The following SESTD1 variants were observed in gnomAD, a reference collection of about 807,000 sequenced individuals.
The protein encoded by SESTD1 is SEC14 domain and spectrin repeat-containing protein 1.
SESTD1 carries 43 observed loss-of-function variants against 101.7 expected under a neutral mutation model. That is an observed-to-expected ratio of 0.42 (90% CI 0.33 to 0.55). The LOEUF is 0.55. Among genes scored for constraint, SESTD1 ranks in the 20% least tolerant of loss-of-function variants. The pLI, the probability that SESTD1 is intolerant of heterozygous loss-of-function variation, is 0.07. For missense variants in SESTD1, 647 were observed against 815.1 expected (o/e 0.79, Z 2.51); for synonymous variants, 283 against 286.8 (o/e 0.99, Z 0.13).
At chr2:179,211,848 G>T in intron 1 of SESTD1, among the ~76,000 whole-genome samples, 1 of 130,504 alleles carries the variant, frequency 7.7e-6, no homozygotes, top group Non-Finnish European at 1.6e-5. Context: ...GGACTCTGGG[G>T]ACTCAGGGGG....
intron 1 of SESTD1, among the ~76,000 whole-genome samples, chr2:179,229,802 C>G (rs2046955153): frequency 7.1e-6 from 1 of 140,848 alleles, no homozygotes; most frequent in African/African-American, 2.6e-5. Flanking sequence ...CACACACACA[C>G]ACACACACAC....
At position 179,151,347 on chromosome 2, in the gene SESTD1, T is replaced by A. The variant is rs373063753; in HGVS notation, c.414A>T (p.Pro138=). 1 of 1,607,788 alleles carries A rather than the reference T, an allele frequency of 6.2e-7. No individual in the cohort carries two copies. The highest frequency in any genetic ancestry group is 1.3e-5 in the African/African-American group (1 of 74,840). ...SANKLTRYIE[P]CQLTEDFGGS... is the part of the protein sequence containing the mutation. ...CACCAAAATCTTCTGTTAATTGGCA[T>A]GGTTCTATATAACGAGTCAATTTGT... is the stretch of plus-strand genomic sequence containing the variant. Residue 138 remains proline (P), a synonymous_variant, in exon 6 of 18, where the codon CCA becomes CCT. Transcript: ENST00000428443.
At chr2:179,127,795 T>C (rs745972969) in intron 10 of SESTD1, among the ~76,000 whole-genome samples, 1 of 152,216 alleles carries the variant, frequency 6.6e-6, no homozygotes, top group Non-Finnish European at 1.5e-5. Context: ...ATAACAAGCA[T>C]AGAATATTTT....
intron 1 of SESTD1, among the ~76,000 whole-genome samples, chr2:179,217,955 G>C (rs1406285198): frequency 2.7e-5 from 4 of 148,756 alleles, no homozygotes; most frequent in African/African-American, 9.9e-5. Context: ...ACAGGGCGGG[G>C]AACGTCACAC....
chr2:179,139,168 G>A (rs1195888406), intron 9 of SESTD1, among the ~76,000 whole-genome samples: 1 of 152,106 alleles, frequency 6.6e-6, no homozygotes, highest in Non-Finnish European at 1.5e-5. Context: ...TAGGTTGACA[G>A]TGATAATTTC....
chr2:179,156,933 T>G (rs1190360813), intron 5 of SESTD1, among the ~76,000 whole-genome samples: 1 of 152,190 alleles, frequency 6.6e-6, no homozygotes, highest in Non-Finnish European at 1.5e-5. Flanking sequence ...AATGTTATCT[T>G]TTAGAATTTT....
intron 5 of SESTD1, among the ~76,000 whole-genome samples, chr2:179,156,511 C>A (rs2045635355): frequency 6.6e-6 from 1 of 152,082 alleles, no homozygotes; most frequent in Admixed American, 6.6e-5. Context: ...TTGATTATAG[C>A]CATTCTTGCA....
chr2:179,220,990 T>G (rs1385728024), intron 1 of SESTD1, among the ~76,000 whole-genome samples: 2 of 152,188 alleles, frequency 1.3e-5, no homozygotes, highest in Non-Finnish European at 2.9e-5. Context: ...GCATAACAAA[T>G]TAATTTTTAG....
At chr2:179,242,047 T>C (rs2105547780) in intron 1 of SESTD1, among the ~76,000 whole-genome samples, 1 of 152,266 alleles carries the variant, frequency 6.6e-6, no homozygotes, top group East Asian at 1.9e-4. Context: ...CATTATAATA[T>C]GATTGTATAC....
At chr2:179,120,443 A>T (rs1162200359) in intron 13 of SESTD1, among the ~76,000 whole-genome samples, 1 of 152,196 alleles carries the variant, frequency 6.6e-6, no homozygotes. Context: ...GAGAATGTCC[A>T]GGGAGAATAT....
At chr2:179,256,728 C>G (rs2047399041) in intron 1 of SESTD1, among the ~76,000 whole-genome samples, 1 of 149,466 alleles carries the variant, frequency 6.7e-6, no homozygotes, top group Non-Finnish European at 1.5e-5. Flanking sequence ...AGGAGAATCA[C>G]TTGAACCCGG....
intron 10 of SESTD1, among the ~76,000 whole-genome samples, chr2:179,127,142 G>A (rs2044891811): frequency 6.6e-6 from 1 of 152,064 alleles, no homozygotes; most frequent in African/African-American, 2.4e-5. Flanking sequence ...TTTATTTTCT[G>A]TGACTCTCCT....
chr2:179,151,436 T>C, intron 5 of SESTD1, 45 bp from the exon 6 acceptor site: 2 of 1,421,438 alleles, frequency 1.4e-6, no homozygotes, highest in East Asian at 2.4e-5. Context: ...AACCCACTAT[T>C]AAAATCCACG....
intron 9 of SESTD1, among the ~76,000 whole-genome samples, chr2:179,139,314 C>T (rs1383819288): frequency 6.6e-6 from 1 of 152,146 alleles, no homozygotes; most frequent in Non-Finnish European, 1.5e-5. Context: ...AAAGACACAT[C>T]ACACAGTGAC....
chr2:179,231,283 G>T (rs2046983776), intron 1 of SESTD1, among the ~76,000 whole-genome samples: 1 of 152,026 alleles, frequency 6.6e-6, no homozygotes, highest in Admixed American at 6.6e-5. Flanking sequence ...TGCAGTTAAG[G>T]ATTGAGGATG....
chr2:179,247,866 A>C (rs2047256913), intron 1 of SESTD1, among the ~76,000 whole-genome samples: 1 of 152,156 alleles, frequency 6.6e-6, no homozygotes, highest in Non-Finnish European at 1.5e-5. Context: ...GTCTCAAGGA[A>C]AATAAAAAAA....
At chr2:179,260,144 G>C (rs1218216413) in intron 1 of SESTD1, among the ~76,000 whole-genome samples, 1 of 151,734 alleles carries the variant, frequency 6.6e-6, no homozygotes, top group South Asian at 2.1e-4. Context: ...TTTCATTTTT[G>C]TTAGATGCAA....
intron 10 of SESTD1, among the ~76,000 whole-genome samples, chr2:179,125,597 G>C (rs1333512710): frequency 1.3e-5 from 2 of 152,214 alleles, no homozygotes; most frequent in African/African-American, 4.8e-5. Context: ...TCTCAGATGA[G>C]TGTGAGCACC....
intron 1 of SESTD1, among the ~76,000 whole-genome samples, chr2:179,240,183 G>A (rs1382887691): frequency 6.6e-6 from 1 of 152,154 alleles, no homozygotes; most frequent in Non-Finnish European, 1.5e-5. Flanking sequence ...ACACACAGGA[G>A]TAGTTGGAAG....
Sources: allele counts gnomAD v4.1 joint callset (sites outside exome capture counted in the v4.1 genomes callset), GRCh38; gene constraint gnomAD v4.1.1; transcripts MANE v1.5; gene names NCBI Gene and HGNC (gene_info 2026-07-23, HGNC 2026-07-21).